The following DGKB variants were observed in gnomAD, a reference collection of about 807,000 sequenced individuals.
DGKB encodes the protein 90 kDa diacylglycerol kinase.
Under a neutral mutation model 114.3 loss-of-function variants are expected in DGKB, and 67 were observed. The ratio of observed to expected loss-of-function variants is 0.59; its 90% CI spans 0.48 to 0.72. DGKB has a LOEUF of 0.72. Ranked by LOEUF, DGKB falls within the 30% of genes least tolerant of loss-of-function variation. DGKB has a pLI of 0.00. For missense variants in DGKB, 907 were observed against 975.2 expected (o/e 0.93, Z 0.93); for synonymous variants, 398 against 323.1 (o/e 1.23, Z -2.49).
intron 23 of DGKB, among the ~76,000 whole-genome samples, chr7:14,246,018 A>G (rs917366017): frequency 3.3e-5 from 5 of 152,200 alleles, no homozygotes; most frequent in Non-Finnish European, 4.4e-5. Context: ...ATTATTTGAC[A>G]GTTATTTCAA....
chr7:14,414,346 G>T (rs551350153), intron 21 of DGKB, among the ~76,000 whole-genome samples: 1 of 152,042 alleles, frequency 6.6e-6, no homozygotes, highest in South Asian at 2.1e-4. Flanking sequence ...CTAAAAATGA[G>T]AGTTGAAAAG....
Position 14,148,810 on chromosome 7 carries a change from G to A in DGKB, c.*321C>T, listed in dbSNP as rs534769723. 5.8e-6 allele frequency: 2 copies of A among 346,828 alleles called. No individual in the cohort carries two copies. Among genetic ancestry groups the A allele is most frequent in the African/African-American group, 2.2e-5 (1 of 45,610 alleles). 21.5% of individuals were successfully genotyped at this position (346,828 alleles called of 1,614,324 possible). On this transcript the variant is annotated 3_prime_UTR_variant, in exon 26 of 26. Coordinates refer to ENST00000402815, the MANE Select transcript of DGKB (RefSeq NM_001350709.2). ...TGGTATTTCCTTTTTCATGTTTCAC[G>A]GGTTTTTCTCACAGGTTAGTAAAAG...
At chr7:14,395,696 A>G (rs1376458297) in intron 21 of DGKB, among the ~76,000 whole-genome samples, 2 of 151,854 alleles carry the variant, frequency 1.3e-5, no homozygotes, top group African/African-American at 4.8e-5. Context: ...TGACATATTA[A>G]ATCTGTTAAA....
At chr7:14,891,830 A>G (rs1214136968) in intron 1 of DGKB, among the ~76,000 whole-genome samples, 1 of 151,390 alleles carries the variant, frequency 6.6e-6, no homozygotes, top group Non-Finnish European at 1.5e-5. Flanking sequence ...GTGGACAGTG[A>G]AAAGAAAAAT....
intron 16 of DGKB, 150 bp downstream of exon 16, chr7:14,613,190 A>C: frequency 1.8e-6 from 1 of 562,118 alleles, no homozygotes; most frequent in Middle Eastern, 4.7e-4. Flanking sequence ...TAAAAACAAG[A>C]TCATATAAAC....
chr7:14,157,332 G>A (rs938835510), intron 25 of DGKB, among the ~76,000 whole-genome samples: 1 of 150,438 alleles, frequency 6.6e-6, no homozygotes, highest in Non-Finnish European at 1.5e-5. Flanking sequence ...TGCCAAAAAA[G>A]CAAAGCAATG....
chr7:14,314,649 C>T (rs532717319), intron 23 of DGKB, among the ~76,000 whole-genome samples: 6 of 152,190 alleles, frequency 3.9e-5, no homozygotes, highest in Admixed American at 3.3e-4. Context: ...ACCAAATCTA[C>T]GTCTGACTGG....
At chr7:14,282,981 C>G (rs1800229201) in intron 23 of DGKB, among the ~76,000 whole-genome samples, 1 of 151,922 alleles carries the variant, frequency 6.6e-6, no homozygotes, top group Non-Finnish European at 1.5e-5. Flanking sequence ...CTCACCACTC[C>G]TATTCAACAT....
chr7:14,803,641 T>C (rs1278661238), intron 2 of DGKB, among the ~76,000 whole-genome samples: 4 of 147,812 alleles, frequency 2.7e-5, no homozygotes, highest in Non-Finnish European at 5.9e-5. Flanking sequence ...GATTGCTTTT[T>C]AATGTAATTT....
rs1254946892 is a variant in DGKB, at chr7:14,916,516, G to A, written c.-188+58180C>T. Among the ~76,000 whole-genome samples, 6 of 152,018 alleles carry A rather than the reference G, an allele frequency of 3.9e-5. No homozygotes were observed. In the East Asian group the frequency reaches 1.2e-3, roughly 29 times the overall value. Reference sequence around the variant, plus strand: ...ATTAACTGTATTAATTTCAGACAAAGTCTATTTTAGAGCAATAAAAATTAT... The same window carrying A: ...ATTAACTGTATTAATTTCAGACAAAATCTATTTTAGAGCAATAAAAATTAT... On this transcript the variant is annotated intron_variant, in intron 1 of 4. Coordinates refer to the DGKB transcript ENST00000437998.
intron 20 of DGKB, among the ~76,000 whole-genome samples, chr7:14,516,268 A>T (rs1788778098): frequency 6.6e-6 from 1 of 152,232 alleles, no homozygotes; most frequent in Non-Finnish European, 1.5e-5. Flanking sequence ...AACTTTAAAG[A>T]AGTACATATT....
intron 21 of DGKB, among the ~76,000 whole-genome samples, chr7:14,421,947 C>G (rs1826782075): frequency 6.6e-6 from 1 of 151,898 alleles, no homozygotes; most frequent in African/African-American, 2.4e-5. Context: ...GAGTTTATAA[C>G]TGGGCCATAA....
intron 13 of DGKB, among the ~76,000 whole-genome samples, chr7:14,664,239 T>C (rs552707978): frequency 5.8e-4 from 88 of 152,124 alleles, no homozygotes; most frequent in Non-Finnish European, 1.1e-3. Context: ...ATAATCTATT[T>C]TGAAATCACA....
chr7:14,709,002 A>G (rs1826825720), intron 6 of DGKB, among the ~76,000 whole-genome samples: 1 of 149,496 alleles, frequency 6.7e-6, no homozygotes, highest in South Asian at 2.2e-4. Flanking sequence ...GCACAGCAAA[A>G]GAAACTACCA....
In DGKB at chr7:14,613,417, T is replaced by C. The variant is rs1356911497; in HGVS notation, c.1285-4A>G. Reference sequence around the variant, plus strand: ...GAGTACCAGGCACAGGAGTGACCTATAAGAAAAGTTATATACATGGAAAAA... The same window carrying C: ...GAGTACCAGGCACAGGAGTGACCTACAAGAAAAGTTATATACATGGAAAAA... On this transcript the variant is annotated splice_region_variant and splice_polypyrimidine_tract_variant and intron_variant, in intron 15 of 25. Coordinates refer to ENST00000402815, the MANE Select transcript of DGKB (RefSeq NM_001350709.2). 5.2e-6 allele frequency: 8 copies of C among 1,529,350 alleles called. No individual in the cohort carries two copies. The highest frequency in any genetic ancestry group is 7.1e-6 in the Non-Finnish European group (8 of 1,124,856). The allele number at this position is 1,529,350 out of a possible 1,614,324, so 94.7% of individuals were successfully genotyped here.
chr7:14,468,131 T>C (rs1459264331), intron 21 of DGKB, among the ~76,000 whole-genome samples: 3 of 152,198 alleles, frequency 2.0e-5, no homozygotes, highest in African/African-American at 4.8e-5. Flanking sequence ...CTAAATTATA[T>C]GGCACGGATT....
intron 1 of DGKB, among the ~76,000 whole-genome samples, chr7:14,843,097 A>T (rs897999541): frequency 4.0e-5 from 6 of 151,804 alleles, no homozygotes; most frequent in Non-Finnish European, 2.9e-5. Flanking sequence ...TCAGCTACTC[A>T]GGGGGAATAG....
chr7:14,289,112 AAAAATGACTATAGATTTG>A (rs1207519806), intron 23 of DGKB, among the ~76,000 whole-genome samples: 1 of 152,212 alleles, frequency 6.6e-6, no homozygotes, highest in East Asian at 1.9e-4. Flanking sequence ...ATGAGGCTTT[AAAAATGACTATAGATTTG>A]AAGGCAATTG....
intron 21 of DGKB, among the ~76,000 whole-genome samples, chr7:14,397,882 C>T (rs575385636): frequency 6.6e-6 from 1 of 152,158 alleles, no homozygotes; most frequent in Admixed American, 6.6e-5. Flanking sequence ...GGGTGCTCAA[C>T]AATTCGGCTT....
Sources: allele counts gnomAD v4.1 joint callset (sites outside exome capture counted in the v4.1 genomes callset), GRCh38; gene constraint gnomAD v4.1.1; transcripts MANE v1.5; gene names NCBI Gene and HGNC (gene_info 2026-07-23, HGNC 2026-07-21).